NAV2: variants seen among roughly 807,000 people sequenced by gnomAD.
NAV2 encodes neuron navigator 2, also known as helicase, APC down-regulated 1.
Under a neutral mutation model 223.2 loss-of-function variants are expected in NAV2, and 54 were observed. That is an observed-to-expected ratio of 0.24 (90% CI 0.19 to 0.30). NAV2 has a LOEUF of 0.30. Among genes scored for constraint, NAV2 ranks in the 10% least tolerant of loss-of-function variants. The pLI is 1.00. For missense variants in NAV2, 2,806 were observed against 3,147.5 expected, an observed-to-expected ratio of 0.89 and a Z score of 2.60; for synonymous variants, 1,279 against 1,239.3, an observed-to-expected ratio of 1.03 and a Z score of -0.67.
At chr11:19,509,189 G>A (rs1390905825) in intron 1 of NAV2, among the ~76,000 whole-genome samples, 1 of 152,232 alleles carries the variant, frequency 6.6e-6, no homozygotes, top group Non-Finnish European at 1.5e-5. Flanking sequence ...GGGGATGAGT[G>A]AGCGAGGCAA....
chr11:19,917,965 T>C (rs2153225771), intron 6 of NAV2, among the ~76,000 whole-genome samples: 1 of 152,332 alleles, frequency 6.6e-6, no homozygotes. Flanking sequence ...CAACAGGCTA[T>C]AGCTTCCCCA....
chr11:19,401,107 A>G (rs1590130107), intron 1 of NAV2, among the ~76,000 whole-genome samples: 1 of 152,234 alleles, frequency 6.6e-6, no homozygotes, highest in Non-Finnish European at 1.5e-5. Flanking sequence ...GAAACAATCA[A>G]TGCTCTCAGT....
chr11:19,465,906 A>T (rs116157380), intron 1 of NAV2, among the ~76,000 whole-genome samples: 1 of 152,208 alleles, frequency 6.6e-6, no homozygotes, highest in Non-Finnish European at 1.5e-5. Context: ...CTCAGAAGGG[A>T]ATCAGTAGAG....
chr11:19,552,539 C>T (rs1489012767), intron 1 of NAV2, among the ~76,000 whole-genome samples: 2 of 152,106 alleles, frequency 1.3e-5, no homozygotes, highest in African/African-American at 4.8e-5. Context: ...GCAGAAGCTC[C>T]CCAGCCTGAA....
chr11:19,902,152 C>T (rs1039746636), intron 6 of NAV2, among the ~76,000 whole-genome samples: 1 of 152,172 alleles, frequency 6.6e-6, no homozygotes, highest in Non-Finnish European at 1.5e-5. Flanking sequence ...CCCAACTGCC[C>T]TTACTCCACC....
At chr11:19,888,342 C>T (rs1383456521) in intron 5 of NAV2, among the ~76,000 whole-genome samples, 1 of 152,010 alleles carries the variant, frequency 6.6e-6, no homozygotes, top group Admixed American at 6.6e-5. Flanking sequence ...TGAGGCAGGC[C>T]CAGTAGGCAG....
In NAV2 at chr11:19,990,216, A is replaced by C. The variant is rs138379871; in HGVS notation, c.2768+5969A>C. 1.8e-3 allele frequency among the ~76,000 whole-genome samples: 267 copies of C among 152,288 alleles called. 1 individual carries two copies. Among genetic ancestry groups the C allele is most frequent in the African/African-American group, 5.9e-3 (247 of 41,556 alleles). ...GCCTCCTTGGCCTTCTTGCAAGTTT[A>C]GAAAAGGGATGCCCATTTGTGAATT... On this transcript the variant is annotated intron_variant, in intron 11 of 37. Transcript: ENST00000349880.
chr11:19,670,563 T>G (rs1418804424), intron 1 of NAV2, among the ~76,000 whole-genome samples: 1 of 152,188 alleles, frequency 6.6e-6, no homozygotes, highest in Non-Finnish European at 1.5e-5. Context: ...CTGAGGCTGC[T>G]GAGGGTGTCT....
chr11:19,779,378 A>G (rs1162137831), intron 1 of NAV2, among the ~76,000 whole-genome samples: 1 of 152,216 alleles, frequency 6.6e-6, no homozygotes, highest in Non-Finnish European at 1.5e-5. Context: ...ATCCTCAGTG[A>G]TGAGCCTCAG....
At chr11:19,837,550 G>A (rs938541319) in intron 2 of NAV2, among the ~76,000 whole-genome samples, 1 of 152,188 alleles carries the variant, frequency 6.6e-6, no homozygotes, top group African/African-American at 2.4e-5. Flanking sequence ...TGGACGTCAT[G>A]TGCTTCCTGA....
chr11:19,552,280 G>A (rs750548976), intron 1 of NAV2, among the ~76,000 whole-genome samples: 3 of 152,236 alleles, frequency 2.0e-5, no homozygotes, highest in Non-Finnish European at 2.9e-5. Flanking sequence ...TCCGTGGACA[G>A]ATGGAGACAC....
intron 1 of NAV2, among the ~76,000 whole-genome samples, chr11:19,655,791 T>C (rs539036738): frequency 2.4e-4 from 36 of 151,514 alleles, no homozygotes; most frequent in African/African-American, 8.2e-4. Flanking sequence ...TACCTAATGT[T>C]AAATGATGAG....
chr11:19,975,762 T>C (rs962673968), intron 10 of NAV2, among the ~76,000 whole-genome samples: 3 of 152,218 alleles, frequency 2.0e-5, no homozygotes, highest in East Asian at 3.9e-4. Flanking sequence ...GAAATCATTG[T>C]AGAGTGTGTT....
intron 1 of NAV2, among the ~76,000 whole-genome samples, chr11:19,402,803 G>C (rs993203056): frequency 6.6e-6 from 1 of 152,212 alleles, no homozygotes; most frequent in Non-Finnish European, 1.5e-5. Flanking sequence ...CACAGCGCAT[G>C]GCACATTGTG....
chr11:19,402,270 GA>G (rs1005729470), intron 1 of NAV2, among the ~76,000 whole-genome samples: 2 of 152,160 alleles, frequency 1.3e-5, no homozygotes, highest in Non-Finnish European at 2.9e-5. Flanking sequence ...GCTTGACTTT[GA>G]ACAAGTTACT....
At chr11:19,753,370 A>C (rs1275227918) in intron 1 of NAV2, among the ~76,000 whole-genome samples, 1 of 151,438 alleles carries the variant, frequency 6.6e-6, no homozygotes, top group African/African-American at 2.4e-5. Context: ...TACCACCCCC[A>C]CCCAAGCATA....
intron 26 of NAV2, among the ~76,000 whole-genome samples, chr11:20,087,391 G>A (rs1291338166): frequency 1.3e-5 from 2 of 152,196 alleles, no homozygotes; most frequent in African/African-American, 4.8e-5. Context: ...GGTAGGCTGA[G>A]AGCAAATGCT....
At chr11:19,498,666 A>C (rs906658437) in intron 1 of NAV2, among the ~76,000 whole-genome samples, 2 of 152,278 alleles carry the variant, frequency 1.3e-5, no homozygotes, top group African/African-American at 4.8e-5. Flanking sequence ...TCTTTCGTCT[A>C]TCCATCTGCC....
intron 3 of NAV2, among the ~76,000 whole-genome samples, chr11:19,852,502 G>A (rs1351287950): frequency 2.0e-5 from 3 of 152,180 alleles, no homozygotes; most frequent in African/African-American, 7.2e-5. Flanking sequence ...AAGCTGTCAT[G>A]GGAGAGGCAA....
Sources: allele counts gnomAD v4.1 joint callset (sites outside exome capture counted in the v4.1 genomes callset), GRCh38; gene constraint gnomAD v4.1.1; transcripts MANE v1.5; gene names NCBI Gene and HGNC (gene_info 2026-07-23, HGNC 2026-07-21).